CPNE7: variants seen among roughly 807,000 people sequenced by gnomAD.
The protein encoded by CPNE7 is copine-7.
A neutral mutation model predicts 66.5 loss-of-function variants in CPNE7; 78 were observed. The ratio of observed to expected loss-of-function variants is 1.17; its 90% confidence interval spans 0.98 to 1.42. The LOEUF is 1.42. CPNE7 is among the 40% of genes most tolerant of loss of function. The pLI is 0.00. For missense variants in CPNE7, 1,012 were observed against 776.6 expected, an observed-to-expected ratio of 1.30 and a Z score of -3.60; for synonymous variants, 468 against 336.7, an observed-to-expected ratio of 1.39 and a Z score of -4.27.
At chr16:89,578,950 A>T (rs746701832) in intron 2 of CPNE7, 2 of 1,613,018 alleles carry the variant, frequency 1.2e-6, no homozygotes, top group Non-Finnish European at 8.5e-7. Context: ...CCTGTGCTGC[A>T]CGGAATCCTC....
chr16:89,595,558 G>A lies in CPNE7; in HGVS notation c.1494G>A (p.Ala498=), dbSNP rs754974067. The A allele has an allele frequency of 2.4e-5, 38 of 1,611,796 alleles. No individual in the cohort carries two copies. The highest frequency in any genetic ancestry group is 3.0e-5 in the Non-Finnish European group (35 of 1,179,340). ...TGCGCTCCCCACGGGGTGAGCCCGC[G>A]CTCCGGGACATCGTACAGTTCGTGC... ...GVLRSPRGEP[A]LRDIVQFVPF... is the part of the protein sequence containing the mutation. Residue 498 remains alanine, a synonymous_variant, in exon 14 of 15, where the codon GCG becomes GCA. Coordinates refer to ENST00000319518, the MANE Select transcript of CPNE7 (RefSeq NM_153636.3).
chr16:89,584,123 C>T lies in CPNE7; in HGVS notation c.507+21C>T, dbSNP rs138455334. The T allele has an allele frequency of 6.1e-4, 975 of 1,601,612 alleles. 7 individuals carry two copies. The African/African-American group carries it at 9.1e-3, about 15-fold the overall frequency. ...ACAAGGTGAGTGCAGGTGCCGGGCA[C>T]GCCTGGCTCAGGCTGAGGTCCGGGA... On this transcript the variant is annotated intron_variant, in intron 4 of 14. Transcript: ENST00000319518. The surrounding 1 kb of genome is among the most constrained non-coding windows in gnomAD (Gnocchi z 6.0).
chr16:89,591,334 G>A, intron 13 of CPNE7, 74 bp downstream of exon 13: 1 of 1,458,478 alleles, frequency 6.9e-7, no homozygotes, highest in South Asian at 1.4e-5. Context: ...GGACGTCAGG[G>A]AGGCACCTGG....
Position 89,584,911 on chromosome 16 carries a change from C to T in CPNE7, c.591+54C>T, listed in dbSNP as rs1277293772. 2 of 1,488,380 alleles carry T rather than the reference C, an allele frequency of 1.3e-6. No homozygotes were observed. Among genetic ancestry groups the T allele is most frequent in the African/African-American group, 2.8e-5 (2 of 72,504 alleles). The allele number at this position is 1,488,380 out of a possible 1,614,324, so 92.2% of individuals were successfully genotyped here. On this transcript the variant is annotated intron_variant, in intron 5 of 14. Coordinates refer to ENST00000319518, the MANE Select transcript of CPNE7 (RefSeq NM_153636.3). The surrounding 1 kb of genome is among the most constrained non-coding windows in gnomAD (Gnocchi z 6.0). ...AGGGGAAGGGGCTGTCCCCAGCCCTCACGCATCTCTGGCCACATGGGAGGA... is the reference window on the plus strand; with the variant it reads ...AGGGGAAGGGGCTGTCCCCAGCCCTTACGCATCTCTGGCCACATGGGAGGA...
intron 14 of CPNE7, among the ~76,000 whole-genome samples, chr16:89,596,077 C>G (rs893500932): frequency 5.9e-5 from 9 of 152,274 alleles, no homozygotes; most frequent in Admixed American, 2.0e-4. Context: ...ATGTGAAGTT[C>G]TACACAGCAA....
At chr16:89,590,052 A>G in intron 11 of CPNE7, 101 bp downstream of exon 11, 2 of 1,336,510 alleles carry the variant, frequency 1.5e-6, no homozygotes, top group Non-Finnish European at 2.1e-6. Flanking sequence ...CCTGCTGGGA[A>G]CCGGAGACTG....
Position 89,596,595 on chromosome 16 carries a change from G to T in CPNE7, c.1651G>T (p.Glu551Ter). Reference protein sequence around the residue: ...PPRSLGVPAGEASPGCTP With the variant: ...PPRSLGVPAG Reference sequence around the variant, plus strand: ...GAGAAGCCTGGGTGTCCCTGCCGGAGAGGCCAGCCCAGGCTGCACACCGTG... The same window carrying T: ...GAGAAGCCTGGGTGTCCCTGCCGGATAGGCCAGCCCAGGCTGCACACCGTG... Residue 551 changes from glutamate to a stop codon, truncating the protein, a stop_gained, in exon 15 of 15, where the codon GAG (glutamate) becomes TAG (stop). Coordinates refer to ENST00000319518, the MANE Select transcript of CPNE7 (RefSeq NM_153636.3). LOFTEE classifies it low-confidence loss of function (END_TRUNC). 6.2e-7 allele frequency: 1 copy of T among 1,606,596 alleles called. No individual in the cohort carries two copies.
At position 89,584,736 on chromosome 16, in the gene CPNE7, A is replaced by C; in HGVS notation, c.508-38A>C. On this transcript the variant is annotated intron_variant, in intron 4 of 14. Coordinates refer to ENST00000319518, the MANE Select transcript of CPNE7 (RefSeq NM_153636.3). The surrounding 1 kb of genome is among the most constrained non-coding windows in gnomAD (Gnocchi z 6.0). ...CAGCTCCCATCCAAAGCCCGATCTC[A>C]CAGTGCCTGGCCCAGCAGCCCTTGT... 1 of 1,525,852 alleles carries C rather than the reference A, an allele frequency of 6.6e-7. No individual in the cohort carries two copies. Among genetic ancestry groups the C allele is most frequent in the East Asian group, 2.3e-5 (1 of 44,384 alleles). The allele number at this position is 1,525,852 out of a possible 1,614,324, so 94.5% of individuals were successfully genotyped here. A position where few individuals can be genotyped will look rare whatever the true frequency, so the allele number is the denominator to read the frequency against.
chr16:89,595,670 C>G, intron 14 of CPNE7, 67 bp downstream of exon 14: 1 of 1,368,864 alleles, frequency 7.3e-7, no homozygotes, highest in Non-Finnish European at 1.0e-6. Context: ...CTGCCCAAGA[C>G]CTTCCCAGGC....
chr16:89,579,288 T>C (rs2058909833), intron 2 of CPNE7, among the ~76,000 whole-genome samples: 1 of 146,058 alleles, frequency 6.8e-6, no homozygotes, highest in Non-Finnish European at 1.5e-5. Flanking sequence ...AGTCTTTGTC[T>C]CAAAAAAAAA....
rs1202308359 is a variant in CPNE7, at chr16:89,576,191, G to T, written c.174+120G>T. The stretch of plus-strand genomic sequence containing the variant: ...GGGGCGCAAGGCGGGGCCCCCCGGA[G>T]CTGGGGCTCAGCTCGGGGTCAGGGT... On this transcript the variant is annotated intron_variant, in intron 1 of 14. Coordinates refer to ENST00000319518, the MANE Select transcript of CPNE7 (RefSeq NM_153636.3). 8.4e-6 allele frequency: 7 copies of T among 833,696 alleles called. No homozygotes were observed. In the East Asian group the frequency reaches 1.0e-4, roughly 12 times the overall value. 51.6% of individuals were successfully genotyped at this position (833,696 alleles called of 1,614,324 possible).
rs889570902 is a variant in CPNE7, at chr16:89,577,521, T to A, written c.175-18T>A. ...TGGAAGCCTCTGGAGTGGGGTCGGC[T>A]CACAGGTGCACTTGCAGGTGGGCAG... is the stretch of plus-strand genomic sequence containing the variant. On this transcript the variant is annotated intron_variant, in intron 1 of 14. Transcript: ENST00000319518. 4.5e-6 allele frequency: 7 copies of A among 1,550,408 alleles called. No homozygotes were observed. In the African/African-American group the frequency reaches 9.6e-5, roughly 21 times the overall value.
Position 89,588,666 on chromosome 16 carries a change from C to G in CPNE7, c.928-9C>G, listed in dbSNP as rs751454708. 2.5e-6 allele frequency: 4 copies of G among 1,613,000 alleles called. No homozygotes were observed. Among genetic ancestry groups the G allele is most frequent in the Non-Finnish European group, 3.4e-6 (4 of 1,179,916 alleles). On this transcript the variant is annotated splice_polypyrimidine_tract_variant and intron_variant, in intron 9 of 14. Transcript: ENST00000319518. ...CCCAGCACAGCTCCTGGCTCCCGGC[C>G]CACTGCAGGTGGCCATTGACTTCAC... is the stretch of plus-strand genomic sequence containing the variant.
chr16:89,576,484 C>A (rs1275063668), intron 1 of CPNE7, among the ~76,000 whole-genome samples: 1 of 151,882 alleles, frequency 6.6e-6, no homozygotes, highest in Admixed American at 6.6e-5. Flanking sequence ...AGCAGGCCGG[C>A]GAGGGAGCGC....
At chr16:89,579,575 C>T (rs1263990035) in intron 2 of CPNE7, among the ~76,000 whole-genome samples, 1 of 148,954 alleles carries the variant, frequency 6.7e-6, no homozygotes, top group African/African-American at 2.5e-5. Flanking sequence ...TCAGCCATCA[C>T]ATCTCACCCG....
At chr16:89,590,828 G>T (rs1465644383) in intron 11 of CPNE7, among the ~76,000 whole-genome samples, 179 bp from the exon 12 acceptor site, 1 of 87,912 alleles carries the variant, frequency 1.1e-5, no homozygotes, top group African/African-American at 4.7e-5. Flanking sequence ...GGCCGGGGAC[G>T]GGGGGAGCAG....
intron 14 of CPNE7, 64 bp downstream of exon 14, chr16:89,595,667 A>C: frequency 7.2e-7 from 1 of 1,394,174 alleles, no homozygotes; most frequent in Non-Finnish European, 1.0e-6. Context: ...TCACTGCCCA[A>C]GACCTTCCCA....
At position 89,588,680 on chromosome 16, in the gene CPNE7, C is replaced by T. The variant is rs908079064; in HGVS notation, c.933C>T (p.Ala311=). The change falls in exon 10 of 15, where the codon GCC becomes GCT. Residue 311 remains alanine (A), a synonymous_variant. Transcript: ENST00000319518. ...TGGCTCCCGGCCCACTGCAGGTGGC[C>T]ATTGACTTCACCGCCTCCAATGGAG... ...MGGCQIHFTV[A]IDFTASNGDP... is the part of the protein sequence containing the mutation. 2 of 1,613,210 alleles carry T rather than the reference C, an allele frequency of 1.2e-6. No individual in the cohort carries two copies. The highest frequency in any genetic ancestry group is 1.3e-5 in the African/African-American group (1 of 75,038).
intron 2 of CPNE7, chr16:89,578,997 G>T: frequency 1.9e-6 from 3 of 1,595,402 alleles, no homozygotes; most frequent in Non-Finnish European, 2.6e-6. Context: ...TTTTATTGAG[G>T]TAAAATTTAC....
Sources: allele counts gnomAD v4.1 joint callset (sites outside exome capture counted in the v4.1 genomes callset), GRCh38; gene constraint gnomAD v4.1.1; non-coding constraint Gnocchi (gnomAD v3.1); transcripts MANE v1.5; gene names NCBI Gene and HGNC (gene_info 2026-07-23, HGNC 2026-07-21).